Variants in SLC25A48 observed in about 807,000 individuals in gnomAD.
The protein encoded by SLC25A48 is CTC-321K16.1.
In SLC25A48, 29 loss-of-function variants were observed where a neutral mutation model predicts 32.2. The ratio of observed to expected loss-of-function variants is 0.90; its 90% CI spans 0.67 to 1.23. The LOEUF (loss-of-function observed/expected upper bound fraction) is 1.23. Among genes scored for constraint, SLC25A48 ranks in the 50% most tolerant of loss-of-function variants. The pLI is 0.00. For missense variants in SLC25A48, 399 were observed against 422.7 expected (o/e 0.94, Z 0.49); for synonymous variants, 164 against 172.3 (o/e 0.95, Z 0.38).
chr5:135,777,292 A>G (rs1178849108), intron 3 of SLC25A48, among the ~76,000 whole-genome samples: 2 of 151,834 alleles, frequency 1.3e-5, no homozygotes, highest in African/African-American at 4.8e-5. Context: ...TTAACTTCCA[A>G]TATCGTAAAG....
intron 3 of SLC25A48, among the ~76,000 whole-genome samples, chr5:135,790,476 A>T (rs914197210): frequency 2.0e-5 from 3 of 151,320 alleles, no homozygotes; most frequent in Non-Finnish European, 4.4e-5. Context: ...CTATAGGGGG[A>T]TGTTACTTCT....
chr5:135,694,199 AC>A lies in SLC25A48; in HGVS notation c.-521+59245del, dbSNP rs146749834. ...AAGACTCTTGGCTTCTGGATGAAAC[AC>A]CACGGGTCTCCTGGGCGGCCTGGTA... On this transcript the variant is annotated intron_variant, in intron 3 of 10. Transcript: ENST00000646290. Among the ~76,000 whole-genome samples the A allele has an allele frequency of 1.6e-4, 25 of 152,240 alleles. No homozygotes were observed. The East Asian group carries it at 4.6e-3, about 28-fold the overall frequency.
chr5:135,652,320 A>G (rs1359186830), intron 3 of SLC25A48: 2 of 452,878 alleles, frequency 4.4e-6, no homozygotes, highest in African/African-American at 2.0e-5. Context: ...ATTTGTCACC[A>G]TGAGAATAGA....
intron 1 of SLC25A48, among the ~76,000 whole-genome samples, chr5:135,837,120 A>T (rs192361470): frequency 5.9e-5 from 9 of 151,848 alleles, no homozygotes; most frequent in Middle Eastern, 3.4e-3. Context: ...TGGCAGGGAG[A>T]TGTTGGCCCA....
chr5:135,841,904 G>A (rs1009633514), intron 1 of SLC25A48, among the ~76,000 whole-genome samples: 1 of 152,156 alleles, frequency 6.6e-6, no homozygotes, highest in African/African-American at 2.4e-5. Flanking sequence ...CCTTTCAGAA[G>A]TTATGATTTC....
At chr5:135,738,198 G>A (rs1294922573) in intron 3 of SLC25A48, among the ~76,000 whole-genome samples, 1 of 152,158 alleles carries the variant, frequency 6.6e-6, no homozygotes, top group Non-Finnish European at 1.5e-5. Flanking sequence ...ATGTAAGGAT[G>A]CGAAAAGCAG....
intron 3 of SLC25A48, among the ~76,000 whole-genome samples, chr5:135,757,971 CTA>C (rs966902260): frequency 3.3e-5 from 5 of 150,348 alleles, no homozygotes; most frequent in African/African-American, 1.2e-4. Context: ...TTTTAACACA[CTA>C]TGATATTAAT....
chr5:135,839,231 G>A (rs1758795947), intron 1 of SLC25A48, among the ~76,000 whole-genome samples: 1 of 152,150 alleles, frequency 6.6e-6, no homozygotes, highest in African/African-American at 2.4e-5. Context: ...CCAGCAGCTG[G>A]GAGGAAGGCT....
intron 1 of SLC25A48, among the ~76,000 whole-genome samples, chr5:135,622,266 T>A (rs1752342944): frequency 6.6e-6 from 1 of 152,218 alleles, no homozygotes; most frequent in African/African-American, 2.4e-5. Context: ...AATGCTTATA[T>A]CAAGAGCCTG....
At chr5:135,702,971 A>G (rs1754427123) in intron 3 of SLC25A48, among the ~76,000 whole-genome samples, 1 of 152,130 alleles carries the variant, frequency 6.6e-6, no homozygotes, top group Admixed American at 6.5e-5. Context: ...AATGTACTTG[A>G]GCTTATTCAT....
chr5:135,811,890 T>G (rs557193487), intron 3 of SLC25A48, among the ~76,000 whole-genome samples: 1 of 152,294 alleles, frequency 6.6e-6, no homozygotes, highest in Non-Finnish European at 1.5e-5. Flanking sequence ...GAGACCAGCC[T>G]GGCCAACATG....
At chr5:135,884,635 G>T (rs1371696932) in intron 7 of SLC25A48, among the ~76,000 whole-genome samples, 5 of 152,160 alleles carry the variant, frequency 3.3e-5, no homozygotes, top group African/African-American at 1.2e-4. Context: ...GGGTGGGCAC[G>T]GAGGATGCGA....
At chr5:135,690,116 G>T (rs966964734) in intron 3 of SLC25A48, among the ~76,000 whole-genome samples, 2 of 152,134 alleles carry the variant, frequency 1.3e-5, no homozygotes, top group African/African-American at 4.8e-5. Flanking sequence ...AAACCAGGAT[G>T]GTTCCAGACA....
At chr5:135,798,546 T>A (rs530292586) in intron 3 of SLC25A48, among the ~76,000 whole-genome samples, 40 of 151,646 alleles carry the variant, frequency 2.6e-4, no homozygotes, top group African/African-American at 9.7e-4. Context: ...GTGGAGGTTG[T>A]ACACCCCCCT....
At chr5:135,645,683 A>G (rs1489188911) in intron 3 of SLC25A48, among the ~76,000 whole-genome samples, 2 of 152,140 alleles carry the variant, frequency 1.3e-5, no homozygotes, top group Non-Finnish European at 2.9e-5. Context: ...ACCCCACATG[A>G]AACCTCTTCC....
intron 3 of SLC25A48, among the ~76,000 whole-genome samples, chr5:135,688,865 G>A (rs1041989020): frequency 6.6e-6 from 1 of 152,122 alleles, no homozygotes; most frequent in African/African-American, 2.4e-5. Flanking sequence ...GGAGCCAATG[G>A]GACCATGTCC....
intron 3 of SLC25A48, among the ~76,000 whole-genome samples, chr5:135,735,436 G>A (rs1276747740): frequency 6.6e-6 from 1 of 152,220 alleles, no homozygotes; most frequent in Non-Finnish European, 1.5e-5. Flanking sequence ...GTCTAGGGCT[G>A]TAAAGCATCT....
chr5:135,690,397 G>GT (rs1476491504), intron 3 of SLC25A48, among the ~76,000 whole-genome samples: 2 of 152,290 alleles, frequency 1.3e-5, no homozygotes, highest in Admixed American at 6.5e-5. Flanking sequence ...CTGCATGAAG[G>GT]TAAGCGTGCT....
At chr5:135,743,370 C>G (rs1055874831) in intron 3 of SLC25A48, among the ~76,000 whole-genome samples, 1 of 151,894 alleles carries the variant, frequency 6.6e-6, no homozygotes, top group African/African-American at 2.4e-5. Flanking sequence ...CTACGCTCAG[C>G]CTGGAGACAC....
Sources: gnomAD v4.1 joint callset for allele counts (sites outside exome capture counted in the v4.1 genomes callset) on GRCh38, gnomAD v4.1.1 for gene constraint, MANE v1.5 for transcripts, NCBI Gene and HGNC (gene_info 2026-07-23, HGNC 2026-07-21) for gene names.